Variants in INTU observed in about 807,000 individuals in gnomAD.
INTU encodes the protein inturned planar cell polarity protein.
In INTU, 68 loss-of-function variants were observed where a neutral mutation model predicts 100.5. The ratio of observed to expected loss-of-function variants is 0.68; its 90% CI spans 0.56 to 0.83. The LOEUF is 0.83. Among genes scored for constraint, INTU ranks in the 40% least tolerant of loss-of-function variants. The pLI, the probability that INTU is intolerant of heterozygous loss-of-function variation, is 0.00. For synonymous variants in INTU, 357 were observed against 395.7 expected, an observed-to-expected ratio of 0.90 and a Z score of 1.16; for missense variants, 1,071 against 1,114.7, an observed-to-expected ratio of 0.96 and a Z score of 0.56.
chr4:127,650,753 G>C (rs1330593818), intron 2 of INTU, among the ~76,000 whole-genome samples: 3 of 151,532 alleles, frequency 2.0e-5, no homozygotes, highest in Non-Finnish European at 4.4e-5. Context: ...GGATGGCTGG[G>C]TCAAATGGTA....
Position 127,711,116 on chromosome 4 carries a change from A to G in INTU, c.2559+14A>G. ...TTGGTGGAAGAGGTAGGGCACTGCTATAAATACAGTTTTCTGCCAGTTTAA... is the reference window on the plus strand; with the variant it reads ...TTGGTGGAAGAGGTAGGGCACTGCTGTAAATACAGTTTTCTGCCAGTTTAA... On this transcript the variant is annotated intron_variant, in intron 14 of 15. Coordinates refer to ENST00000335251, the MANE Select transcript of INTU (RefSeq NM_015693.4). 1 of 1,540,642 alleles carries G rather than the reference A, an allele frequency of 6.5e-7. No homozygotes were observed. The highest frequency in any genetic ancestry group is 8.9e-7 in the Non-Finnish European group (1 of 1,128,836).
chr4:127,636,175 G>A (rs926669249), intron 1 of INTU, among the ~76,000 whole-genome samples: 17 of 151,932 alleles, frequency 1.1e-4, no homozygotes, highest in Non-Finnish European at 2.5e-4. Flanking sequence ...AGGCTGAGGC[G>A]GGAGGATCAC....
chr4:127,710,776 TC>T lies in INTU; in HGVS notation c.2370-134del, dbSNP rs149639500. On this transcript the variant is annotated intron_variant, in intron 13 of 15. Coordinates refer to ENST00000335251, the MANE Select transcript of INTU (RefSeq NM_015693.4). ...AGGGAATTAAATGTTTAGCCCAGTT[TC>T]CCTTCCCTAATTATACTACTAATAT... 1,427 of 461,426 alleles carry T rather than the reference TC, an allele frequency of 3.1e-3. 9 individuals are homozygous for T. The highest frequency in any genetic ancestry group is 0.017 in the Middle Eastern group (29 of 1,694). 28.6% of individuals were successfully genotyped at this position (461,426 alleles called of 1,614,324 possible).
At chr4:127,653,015 G>T in intron 2 of INTU, among the ~76,000 whole-genome samples, 1 of 151,510 alleles carries the variant, frequency 6.6e-6, no homozygotes, top group Non-Finnish European at 1.5e-5. Flanking sequence ...GCGTAGAGGT[G>T]TTTGTAGTAT....
intron 1 of INTU, among the ~76,000 whole-genome samples, chr4:127,637,211 A>C (rs1446511924): frequency 6.6e-6 from 1 of 152,142 alleles, no homozygotes. Flanking sequence ...CTCCTAACTA[A>C]TCTGCATGCT....
At chr4:127,658,034 G>A (rs2126195174) in intron 3 of INTU, among the ~76,000 whole-genome samples, 1 of 152,144 alleles carries the variant, frequency 6.6e-6, no homozygotes, top group African/African-American at 2.4e-5. Context: ...TTTTTGGATT[G>A]GTCAGGTTGA....
intron 6 of INTU, among the ~76,000 whole-genome samples, chr4:127,679,290 CAG>C (rs1289725350): frequency 6.6e-6 from 1 of 152,170 alleles, no homozygotes; most frequent in Admixed American, 6.5e-5. Context: ...CCCAAATCAA[CAG>C]AATATACATT....
intron 6 of INTU, among the ~76,000 whole-genome samples, chr4:127,681,748 C>G (rs150410812): frequency 0.019 from 2,849 of 152,192 alleles, 93 homozygotes; most frequent in African/African-American, 0.064. Flanking sequence ...ACAAAATTGA[C>G]AAATGGGATC....
At chr4:127,683,906 T>G (rs918886510) in intron 6 of INTU, 2 of 152,230 alleles carry the variant, frequency 1.3e-5, no homozygotes, top group Non-Finnish European at 2.9e-5. Context: ...AAAATGTAAG[T>G]CCATTTCTTT....
At chr4:127,651,680 T>C (rs1187590362) in intron 2 of INTU, among the ~76,000 whole-genome samples, 1 of 152,078 alleles carries the variant, frequency 6.6e-6, no homozygotes, top group Non-Finnish European at 1.5e-5. Flanking sequence ...TCTTTTGGCT[T>C]AGGATTGCCT....
At chr4:127,649,243 A>C (rs1381271993) in intron 2 of INTU, among the ~76,000 whole-genome samples, 1 of 152,204 alleles carries the variant, frequency 6.6e-6, no homozygotes, top group Non-Finnish European at 1.5e-5. Flanking sequence ...TATTAATAAT[A>C]AGATATTGAG....
chr4:127,640,542 CATATATATATATATATAT>C (rs869116277), intron 1 of INTU, among the ~76,000 whole-genome samples: 99 of 53,638 alleles, frequency 1.8e-3, no homozygotes, highest in Admixed American at 9.7e-3. Context: ...GGTAAAGATA[CATATATATATATATATAT>C]ATATATATAT....
chr4:127,688,872 A>AT (rs979447910), intron 8 of INTU, among the ~76,000 whole-genome samples: 14 of 148,102 alleles, frequency 9.5e-5, no homozygotes, highest in Admixed American at 3.4e-4. Context: ...GCCTTCTGGT[A>AT]TTTTTTTTGT....
chr4:127,670,132 A>G (rs4629461), intron 5 of INTU, among the ~76,000 whole-genome samples: 1,811 of 152,018 alleles, frequency 0.012, 15 homozygotes, highest in South Asian at 0.036. Context: ...AAAAGGCTCA[A>G]AGCTTTTAGG....
At chr4:127,646,011 C>T (rs189333721) in intron 2 of INTU, among the ~76,000 whole-genome samples, 137 of 151,984 alleles carry the variant, frequency 9.0e-4, no homozygotes, top group African/African-American at 3.2e-3. Context: ...GGCAAGACCC[C>T]GTGTCTACTA....
At chr4:127,678,927 A>G (rs1020390153) in intron 6 of INTU, among the ~76,000 whole-genome samples, 3 of 152,086 alleles carry the variant, frequency 2.0e-5, no homozygotes, top group African/African-American at 7.2e-5. Context: ...CAAATGGAAA[A>G]CAAAAAAAAG....
At chr4:127,715,132 A>G (rs1448564643) in intron 15 of INTU, among the ~76,000 whole-genome samples, 2 of 152,180 alleles carry the variant, frequency 1.3e-5, no homozygotes, top group Non-Finnish European at 2.9e-5. Context: ...GCAAAATCTA[A>G]TGAACAAAGA....
At position 127,715,042 on chromosome 4, in the gene INTU, T is replaced by TTA. The variant is rs571826658; in HGVS notation, c.2717+957_2717+958dup. ...ATATTTATAGGTATAGAGAGAAATC[T>TTA]TATATATATGTGTGTGTATACATAT... On this transcript the variant is annotated intron_variant, in intron 15 of 15. Coordinates refer to ENST00000335251, the MANE Select transcript of INTU (RefSeq NM_015693.4). Among the ~76,000 whole-genome samples the TTA allele has an allele frequency of 4.6e-5, 7 of 152,164 alleles. No individual in the cohort carries two copies. In the South Asian group the frequency reaches 6.2e-4, roughly 14 times the overall value.
chr4:127,651,012 T>A (rs1372291120), intron 2 of INTU, among the ~76,000 whole-genome samples: 1 of 152,248 alleles, frequency 6.6e-6, no homozygotes, highest in Admixed American at 6.5e-5. Flanking sequence ...TGCATAAATG[T>A]CATCTTTTGA....
Sources: gnomAD v4.1 joint callset for allele counts (sites outside exome capture counted in the v4.1 genomes callset) on GRCh38, gnomAD v4.1.1 for gene constraint, MANE v1.5 for transcripts, NCBI Gene and HGNC (gene_info 2026-07-23, HGNC 2026-07-21) for gene names.